SEPTIN7: variants seen among roughly 807,000 people sequenced by gnomAD.
SEPTIN7 encodes septin-7.
In SEPTIN7, 10 loss-of-function variants were observed where a neutral mutation model predicts 63.3. The ratio of observed to expected loss-of-function variants is 0.16; its 90% confidence interval spans 0.10 to 0.27. The LOEUF (loss-of-function observed/expected upper bound fraction) is 0.27, where lower values mean the gene tolerates loss of function less well. Ranked by LOEUF, SEPTIN7 falls within the 10% of genes least tolerant of loss-of-function variation. The probability of loss-of-function intolerance (pLI) is 1.00; values close to 1 mark genes in which losing one functional copy is unlikely to be tolerated. For missense variants in SEPTIN7, 310 were observed against 521.0 expected, an observed-to-expected ratio of 0.59 and a Z score of 3.94; for synonymous variants, 131 against 165.3, an observed-to-expected ratio of 0.79 and a Z score of 1.59.
chr7:35,897,908 A>G (rs1683451506), intron 11 of SEPTIN7, among the ~76,000 whole-genome samples: 1 of 149,978 alleles, frequency 6.7e-6, no homozygotes, highest in South Asian at 2.2e-4. Flanking sequence ...TCTATTTTTC[A>G]TGGTAAAATG....
chr7:35,829,929 T>A (rs1783741701), intron 1 of SEPTIN7, among the ~76,000 whole-genome samples: 2 of 151,978 alleles, frequency 1.3e-5, no homozygotes, highest in Non-Finnish European at 1.5e-5. Context: ...GGCTTACGCC[T>A]GTAATCCCAG....
At chr7:35,842,779 C>T (rs1178120207) in intron 3 of SEPTIN7, among the ~76,000 whole-genome samples, 1 of 152,040 alleles carries the variant, frequency 6.6e-6, no homozygotes, top group Non-Finnish European at 1.5e-5. Context: ...TAACTTTTTT[C>T]CTAGGATATT....
In SEPTIN7 at chr7:35,882,565, A is replaced by G; in HGVS notation, c.712A>G (p.Lys238Glu). ...TDDEEENKLV[K>E]KIKDRLPLAV... is the part of the protein sequence containing the mutation. The stretch of plus-strand genomic sequence containing the variant: ...TGATGAAGAAGAAAATAAACTTGTT[A>G]AAAAGATAAAGGTAGGTTCATCCCT... Residue 238 changes from lysine (K) to glutamate (E), a missense_variant, in exon 8 of 14, where the codon AAA (lysine) becomes GAA (glutamate). Lys to Glu is a moderately conservative substitution (Grantham distance 56). Transcript: ENST00000350320. The G allele has an allele frequency of 1.3e-6, 2 of 1,482,418 alleles. No homozygotes were observed. The highest frequency in any genetic ancestry group is 1.8e-6 in the Non-Finnish European group (2 of 1,108,002). The allele number at this position is 1,482,418 out of a possible 1,614,324, so 91.8% of individuals were successfully genotyped here.
chr7:35,840,314 A>G (rs534273732), intron 3 of SEPTIN7, among the ~76,000 whole-genome samples: 1 of 146,468 alleles, frequency 6.8e-6, no homozygotes, highest in African/African-American at 2.5e-5. Flanking sequence ...GCTGGAGCCC[A>G]GTGGTATAAT....
chr7:35,862,900 CAA>C (rs535248091), intron 3 of SEPTIN7, among the ~76,000 whole-genome samples: 2,398 of 152,092 alleles, frequency 0.016, 63 homozygotes, highest in African/African-American at 0.055. Flanking sequence ...CATGGAGAGT[CAA>C]AAAAGAGTAC....
chr7:35,892,041 C>A (rs1446420198), intron 11 of SEPTIN7, among the ~76,000 whole-genome samples: 1 of 152,168 alleles, frequency 6.6e-6, no homozygotes, highest in Non-Finnish European at 1.5e-5. Context: ...ATCTATGGGC[C>A]ACCATCATAT....
intron 3 of SEPTIN7, among the ~76,000 whole-genome samples, chr7:35,850,032 A>G (rs1784885692): frequency 6.6e-6 from 1 of 152,250 alleles, no homozygotes; most frequent in African/African-American, 2.4e-5. Context: ...GACAACATGA[A>G]CATAAGAATT....
intron 11 of SEPTIN7, among the ~76,000 whole-genome samples, chr7:35,893,170 A>G (rs1787751857): frequency 6.6e-6 from 1 of 152,126 alleles, no homozygotes; most frequent in African/African-American, 2.4e-5. Flanking sequence ...ATGTTTAAAT[A>G]AGTGAAGTAG....
At chr7:35,879,211 G>C (rs1786677630) in intron 6 of SEPTIN7, among the ~76,000 whole-genome samples, 1 of 152,194 alleles carries the variant, frequency 6.6e-6, no homozygotes, top group Non-Finnish European at 1.5e-5. Context: ...CATCTTGTCA[G>C]AGAAAGATAG....
chr7:35,886,888 G>C (rs146317801), intron 10 of SEPTIN7, among the ~76,000 whole-genome samples: 4 of 152,320 alleles, frequency 2.6e-5, no homozygotes, highest in African/African-American at 9.6e-5. Flanking sequence ...ATAGAGGTGA[G>C]AGTGAATTTT....
intron 12 of SEPTIN7, chr7:35,900,869 A>T (rs1160109568): frequency 6.6e-6 from 1 of 152,194 alleles, no homozygotes; most frequent in African/African-American, 2.4e-5. Flanking sequence ...CAAGGTTCCC[A>T]CCAGATACTC....
At chr7:35,908,954 TAGC>T (rs1788688664), downstream of SEPTIN7, among the ~76,000 whole-genome samples, 1 of 152,258 alleles carries the variant, frequency 6.6e-6, no homozygotes, top group Non-Finnish European at 1.5e-5. Flanking sequence ...TACTCTAGCG[TAGC>T]ACAGAAAAGT....
chr7:35,824,238 T>C (rs774758546), intron 1 of SEPTIN7, among the ~76,000 whole-genome samples: 13 of 152,186 alleles, frequency 8.5e-5, no homozygotes, highest in Non-Finnish European at 1.3e-4. Flanking sequence ...TATCCTTAGA[T>C]TGACCAATCC....
chr7:35,912,570 G>GTT, the SEPTIN7 span, among the ~76,000 whole-genome samples: 1 of 152,230 alleles, frequency 6.6e-6, no homozygotes, highest in African/African-American at 2.4e-5. Flanking sequence ...CTGTGTGTGT[G>GTT]TCTTTAATTC....
intron 4 of SEPTIN7, among the ~76,000 whole-genome samples, chr7:35,867,217 C>T (rs1337338606): frequency 2.0e-5 from 3 of 152,056 alleles, no homozygotes; most frequent in African/African-American, 4.8e-5. Flanking sequence ...CATTTGAGCT[C>T]TACTTCATGT....
At chr7:35,836,473 T>G (rs1784088258) in intron 3 of SEPTIN7, among the ~76,000 whole-genome samples, 1 of 152,168 alleles carries the variant, frequency 6.6e-6, no homozygotes, top group Non-Finnish European at 1.5e-5. Context: ...ATAACAGAAT[T>G]TTAAACATTT....
chr7:35,841,684 G>T (rs528293409), intron 3 of SEPTIN7, among the ~76,000 whole-genome samples: 10 of 152,168 alleles, frequency 6.6e-5, no homozygotes, highest in Non-Finnish European at 1.3e-4. Flanking sequence ...TATGAAGGCC[G>T]CATAGTCTGT....
At chr7:35,807,482 A>G (rs532035937) in intron 1 of SEPTIN7, among the ~76,000 whole-genome samples, 1 of 150,290 alleles carries the variant, frequency 6.7e-6, no homozygotes, top group African/African-American at 2.5e-5. Context: ...CTCCTGCCTC[A>G]GCCTCCTGAA....
At chr7:35,872,259 C>A (rs189359575) in intron 4 of SEPTIN7, among the ~76,000 whole-genome samples, 3 of 152,130 alleles carry the variant, frequency 2.0e-5, no homozygotes, top group Non-Finnish European at 2.9e-5. Flanking sequence ...ATTAGATGTT[C>A]TTCTCTGATT....
Sources: allele counts gnomAD v4.1 joint callset (sites outside exome capture counted in the v4.1 genomes callset), GRCh38; gene constraint gnomAD v4.1.1; transcripts MANE v1.5; gene names NCBI Gene and HGNC (gene_info 2026-07-23, HGNC 2026-07-21).